ANO3: variants seen among roughly 807,000 people sequenced by gnomAD.
ANO3 encodes the protein anoctamin 3.
ANO3 carries 99 observed loss-of-function variants against 144.8 expected under a neutral mutation model. The ratio of observed to expected loss-of-function variants is 0.68; its 90% CI spans 0.58 to 0.81. The LOEUF (loss-of-function observed/expected upper bound fraction) is 0.81, where lower values mean the gene tolerates loss of function less well. Ranked by LOEUF, ANO3 falls within the 30% of genes least tolerant of loss-of-function variation. The pLI is 0.00. For synonymous variants in ANO3, 414 were observed against 392.6 expected (o/e 1.05, Z -0.64); for missense variants, 905 against 1,202.2 (o/e 0.75, Z 3.66).
chr11:26,381,272 T>C (rs1856582946), intron 1 of ANO3, among the ~76,000 whole-genome samples: 1 of 152,184 alleles, frequency 6.6e-6, no homozygotes, highest in African/African-American at 2.4e-5. Context: ...CTTTCTAGCA[T>C]GTGATCATGG....
chr11:26,606,020 T>G (rs1393749823), intron 17 of ANO3, among the ~76,000 whole-genome samples: 3 of 152,200 alleles, frequency 2.0e-5, no homozygotes, highest in African/African-American at 7.2e-5. Context: ...TTCTTTAAAT[T>G]GTGATGTTAG....
chr11:26,205,004 G>A (rs1210255434), intron 1 of ANO3, among the ~76,000 whole-genome samples: 2 of 152,068 alleles, frequency 1.3e-5, no homozygotes, highest in African/African-American at 4.8e-5. Context: ...TACAATCATG[G>A]CAAAAGAGGA....
At chr11:26,491,913 G>T (rs1860725053) in intron 4 of ANO3, among the ~76,000 whole-genome samples, 1 of 152,122 alleles carries the variant, frequency 6.6e-6, no homozygotes, top group Admixed American at 6.5e-5. Flanking sequence ...TTATTAAATG[G>T]TAGCTTATGC....
intron 1 of ANO3, among the ~76,000 whole-genome samples, chr11:26,192,398 T>C (rs1023580967): frequency 2.6e-5 from 4 of 152,184 alleles, no homozygotes; most frequent in African/African-American, 9.7e-5. Context: ...CTCAGTGGTG[T>C]GGCAGTATGT....
intron 2 of ANO3, 31 bp from the exon 3 acceptor site, chr11:26,443,734 C>A: frequency 3.4e-6 from 4 of 1,171,816 alleles, no homozygotes; most frequent in South Asian, 1.4e-5. Flanking sequence ...TTTTATTTCC[C>A]AAAACTACAA....
intron 1 of ANO3, among the ~76,000 whole-genome samples, chr11:26,211,565 A>G (rs1851933371): frequency 6.6e-6 from 1 of 152,112 alleles, no homozygotes; most frequent in East Asian, 1.9e-4. Context: ...AAAACAACAG[A>G]TGCTGGAGCG....
At chr11:26,496,177 A>T (rs1031155856) in intron 4 of ANO3, among the ~76,000 whole-genome samples, 7 of 152,114 alleles carry the variant, frequency 4.6e-5, no homozygotes, top group Non-Finnish European at 7.4e-5. Flanking sequence ...GCCCTTGCAT[A>T]ATTTGACCTC....
intron 1 of ANO3, among the ~76,000 whole-genome samples, chr11:26,424,324 C>A (rs921114176): frequency 5.3e-5 from 8 of 151,012 alleles, no homozygotes; most frequent in Admixed American, 5.3e-4. Context: ...CTTAACATGT[C>A]ACTTCTTCTG....
chr11:26,197,048 A>G (rs1234695451), intron 1 of ANO3, among the ~76,000 whole-genome samples: 2 of 152,230 alleles, frequency 1.3e-5, no homozygotes, highest in Non-Finnish European at 2.9e-5. Flanking sequence ...ATAACAGTGT[A>G]TATGTGTAAG....
At chr11:26,536,457 T>G (rs1329952701) in intron 9 of ANO3, among the ~76,000 whole-genome samples, 1 of 152,068 alleles carries the variant, frequency 6.6e-6, no homozygotes, top group Non-Finnish European at 1.5e-5. Context: ...AGGGTATCAT[T>G]CCCTTTGTAG....
chr11:26,244,846 C>T (rs1001312366), intron 1 of ANO3, among the ~76,000 whole-genome samples: 2 of 152,070 alleles, frequency 1.3e-5, no homozygotes, highest in African/African-American at 4.8e-5. Flanking sequence ...ATCCAAATTT[C>T]CCCAATTGTC....
intron 1 of ANO3, among the ~76,000 whole-genome samples, chr11:26,198,520 G>T (rs1444825819): frequency 6.6e-6 from 1 of 152,184 alleles, no homozygotes; most frequent in Non-Finnish European, 1.5e-5. Flanking sequence ...GAAACGGAAA[G>T]AAATTATAAA....
chr11:26,313,098 T>TATTCGTTGGA (rs1337702260), intron 1 of ANO3, among the ~76,000 whole-genome samples: 2 of 152,224 alleles, frequency 1.3e-5, no homozygotes, highest in African/African-American at 4.8e-5. Flanking sequence ...CAAGTCATTT[T>TATTCGTTGGA]ATTCGTTGGA....
At chr11:26,228,119 G>C (rs1043183773) in intron 1 of ANO3, among the ~76,000 whole-genome samples, 1 of 152,172 alleles carries the variant, frequency 6.6e-6, no homozygotes. Context: ...TTGAAACTTT[G>C]TGGTTTGCAT....
chr11:26,561,343 G>A (rs914160145), intron 14 of ANO3: 4 of 725,336 alleles, frequency 5.5e-6, no homozygotes, highest in Non-Finnish European at 8.1e-6. Context: ...TTTTATATGG[G>A]CTTTTTAGAT....
chr11:26,634,373 A>G, intron 19 of ANO3, 58 bp downstream of exon 19: 1 of 1,122,128 alleles, frequency 8.9e-7, no homozygotes, highest in Non-Finnish European at 1.3e-6. Context: ...CAATAGTTTA[A>G]TTGACGATTA....
At chr11:26,616,283 AG>A (rs752405282) in intron 17 of ANO3, among the ~76,000 whole-genome samples, 2 of 152,318 alleles carry the variant, frequency 1.3e-5, no homozygotes, top group Middle Eastern at 6.8e-3. Flanking sequence ...TACCTGTTGG[AG>A]GTAATCAATG....
chr11:26,586,495 G>A (rs1565124244), intron 14 of ANO3, among the ~76,000 whole-genome samples: 1 of 80,180 alleles, frequency 1.2e-5, no homozygotes, highest in Non-Finnish European at 2.5e-5. Context: ...GGCTTCCCTG[G>A]TGAGAATCTT....
chr11:26,354,836 C>G (rs1258910026), intron 1 of ANO3, among the ~76,000 whole-genome samples: 1 of 151,944 alleles, frequency 6.6e-6, no homozygotes, highest in African/African-American at 2.4e-5. Flanking sequence ...AAATAGAAGT[C>G]AGGTGGTATC....
Sources: allele counts gnomAD v4.1 joint callset (sites outside exome capture counted in the v4.1 genomes callset), GRCh38; gene constraint gnomAD v4.1.1; transcripts MANE v1.5; gene names NCBI Gene and HGNC (gene_info 2026-07-23, HGNC 2026-07-21).